AGTPBP1: variants seen among roughly 807,000 people sequenced by gnomAD.
AGTPBP1 encodes the protein ATP/GTP binding carboxypeptidase 1, also known as cytosolic carboxypeptidase 1.
AGTPBP1 carries 70 observed loss-of-function variants against 143.9 expected under a neutral mutation model. The observed-to-expected ratio is 0.49, with a 90% CI of 0.40 to 0.59. The LOEUF is 0.59. Among genes scored for constraint, AGTPBP1 ranks in the 20% least tolerant of loss-of-function variants. AGTPBP1 has a pLI of 0.00. For missense variants in AGTPBP1, 1,229 were observed against 1,464.5 expected (o/e 0.84, Z 2.62); for synonymous variants, 463 against 500.2 (o/e 0.93, Z 0.99).
At chr9:85,671,127 T>C (rs117817473) in intron 7 of AGTPBP1, among the ~76,000 whole-genome samples, 1,986 of 152,068 alleles carry the variant, frequency 0.013, 20 homozygotes, top group Non-Finnish European at 0.021. Context: ...TTTTTTTTTT[T>C]TGTAGAAATG....
chr9:85,642,625 C>G (rs529240592), intron 13 of AGTPBP1, among the ~76,000 whole-genome samples: 1 of 151,640 alleles, frequency 6.6e-6, no homozygotes, highest in East Asian at 2.0e-4. Context: ...AGCCACCACG[C>G]CCGGCCCATC....
chr9:85,803,414 C>T, the AGTPBP1 span, among the ~76,000 whole-genome samples: 1 of 152,286 alleles, frequency 6.6e-6, no homozygotes, highest in Non-Finnish European at 1.5e-5. Flanking sequence ...TGCTCCACCC[C>T]CTTTCTTTGC....
At chr9:85,588,219 G>A (rs762621495) in intron 21 of AGTPBP1, 79 bp downstream of exon 21, 5 of 1,210,756 alleles carry the variant, frequency 4.1e-6, no homozygotes, top group Non-Finnish European at 5.5e-6. Flanking sequence ...TTGTTAACCT[G>A]GACATTGTTA....
At chr9:85,606,577 A>T (rs1317877881) in intron 17 of AGTPBP1, among the ~76,000 whole-genome samples, 1 of 152,112 alleles carries the variant, frequency 6.6e-6, no homozygotes, top group Non-Finnish European at 1.5e-5. Context: ...AAAGGAAATC[A>T]GTATACTGAA....
chr9:85,552,444 T>A (rs1037660890), intron 25 of AGTPBP1, among the ~76,000 whole-genome samples: 3 of 152,168 alleles, frequency 2.0e-5, no homozygotes, highest in Non-Finnish European at 4.4e-5. Flanking sequence ...GACACCAGAA[T>A]GTACATCTTC....
intron 1 of AGTPBP1, among the ~76,000 whole-genome samples, chr9:85,734,426 C>CTGA (rs79515003): frequency 0.015 from 2,255 of 152,034 alleles, 25 homozygotes; most frequent in Middle Eastern, 0.038. Context: ...AGCCCTGATA[C>CTGA]CAAAGTCAGA....
chr9:85,775,972 G>A, the AGTPBP1 span, among the ~76,000 whole-genome samples: 1 of 152,000 alleles, frequency 6.6e-6, no homozygotes, highest in African/African-American at 2.4e-5. Context: ...GTTAACACTC[G>A]GTATTTACCG....
At chr9:85,689,944 A>ATATATATC (rs1248531347) in intron 3 of AGTPBP1, among the ~76,000 whole-genome samples, 135 of 137,686 alleles carry the variant, frequency 9.8e-4, no homozygotes, top group Non-Finnish European at 1.3e-3. Flanking sequence ...ATATATATAT[A>ATATATATC]TATCTTAAAG....
intron 25 of AGTPBP1, among the ~76,000 whole-genome samples, chr9:85,564,621 TC>T (rs2132893956): frequency 6.6e-6 from 1 of 152,332 alleles, no homozygotes; most frequent in South Asian, 2.1e-4. Flanking sequence ...TATATAGTAT[TC>T]CATACGGTCA....
At chr9:85,733,939 G>T (rs1293169416) in intron 1 of AGTPBP1, among the ~76,000 whole-genome samples, 1 of 152,148 alleles carries the variant, frequency 6.6e-6, no homozygotes, top group East Asian at 1.9e-4. Flanking sequence ...AACTATTGAG[G>T]AGATGTAATC....
intron 18 of AGTPBP1, among the ~76,000 whole-genome samples, chr9:85,595,106 T>C (rs183384445): frequency 6.6e-6 from 1 of 152,342 alleles, no homozygotes; most frequent in African/African-American, 2.4e-5. Context: ...ATTTATTTGC[T>C]ATTCATTTTG....
chr9:85,561,888 A>C (rs1295024680), intron 25 of AGTPBP1, among the ~76,000 whole-genome samples: 1 of 148,454 alleles, frequency 6.7e-6, no homozygotes, highest in African/African-American at 2.5e-5. Context: ...GCTGGAGTGC[A>C]GTGGCACAGT....
chr9:85,612,885 T>G (rs549931450), intron 17 of AGTPBP1, among the ~76,000 whole-genome samples: 78 of 146,832 alleles, frequency 5.3e-4, no homozygotes, highest in African/African-American at 1.8e-3. Flanking sequence ...AAAACAGGTT[T>G]TTTTTTTTTC....
At chr9:85,623,590 T>A (rs1030217354) in intron 14 of AGTPBP1, among the ~76,000 whole-genome samples, 1 of 151,942 alleles carries the variant, frequency 6.6e-6, no homozygotes, top group Non-Finnish European at 1.5e-5. Flanking sequence ...ACCCCATCTC[T>A]ACTAAAAAAT....
At chr9:85,785,501 C>T in the AGTPBP1 span, among the ~76,000 whole-genome samples, 2 of 152,184 alleles carry the variant, frequency 1.3e-5, no homozygotes, top group Non-Finnish European at 2.9e-5. Flanking sequence ...ATTTAAGAAC[C>T]TCTAGCTTTG....
chr9:85,637,769 GT>G (rs749426033), intron 13 of AGTPBP1, among the ~76,000 whole-genome samples: 2 of 152,188 alleles, frequency 1.3e-5, no homozygotes, highest in Non-Finnish European at 2.9e-5. Flanking sequence ...CTGAACTTAA[GT>G]GAAACTTACT....
At chr9:85,607,901 G>A (rs1028909627) in intron 17 of AGTPBP1, among the ~76,000 whole-genome samples, 3 of 151,938 alleles carry the variant, frequency 2.0e-5, no homozygotes, top group Non-Finnish European at 4.4e-5. Flanking sequence ...ATGACTCTAC[G>A]TAGAAAAAAA....
At chr9:85,767,786 A>G in the AGTPBP1 span, among the ~76,000 whole-genome samples, 5 of 152,164 alleles carry the variant, frequency 3.3e-5, no homozygotes, top group Non-Finnish European at 1.5e-5. Flanking sequence ...CCCTGCTGAG[A>G]ACATATAATT....
chr9:85,754,952 C>T, the AGTPBP1 span, among the ~76,000 whole-genome samples: 1 of 152,202 alleles, frequency 6.6e-6, no homozygotes, highest in African/African-American at 2.4e-5. Context: ...TTCCTAGGAT[C>T]TCCTACTGGA....
Sources: allele counts gnomAD v4.1 joint callset (sites outside exome capture counted in the v4.1 genomes callset), GRCh38; gene constraint gnomAD v4.1.1; transcripts MANE v1.5; gene names NCBI Gene and HGNC (gene_info 2026-07-23, HGNC 2026-07-21).